FNBP1L: variants seen among roughly 807,000 people sequenced by gnomAD.
FNBP1L encodes the protein formin-binding protein 1-like.
In FNBP1L, 36 loss-of-function variants were observed where a neutral mutation model predicts 91.2. The observed-to-expected ratio is 0.39, with a 90% CI of 0.30 to 0.52. The LOEUF (loss-of-function observed/expected upper bound fraction) is 0.52. FNBP1L is among the 20% of genes least tolerant of loss of function. FNBP1L has a pLI of 0.66. For missense variants in FNBP1L, 571 were observed against 732.1 expected, an observed-to-expected ratio of 0.78 and a Z score of 2.54; for synonymous variants, 242 against 237.0, an observed-to-expected ratio of 1.02 and a Z score of -0.19.
At chr1:93,494,155 A>G (rs1204695314) in intron 1 of FNBP1L, among the ~76,000 whole-genome samples, 1 of 152,156 alleles carries the variant, frequency 6.6e-6, no homozygotes, top group Non-Finnish European at 1.5e-5. Context: ...CAGTTTGATA[A>G]TTTGCTGTAA....
intron 7 of FNBP1L, among the ~76,000 whole-genome samples, chr1:93,532,403 G>A (rs1389436246): frequency 6.8e-6 from 1 of 146,184 alleles, no homozygotes; most frequent in Non-Finnish European, 1.5e-5. Flanking sequence ...GGAGGTGGAG[G>A]TTGCAGTGAG....
At chr1:93,538,477 A>G (rs568592226) in intron 10 of FNBP1L, among the ~76,000 whole-genome samples, 3 of 152,234 alleles carry the variant, frequency 2.0e-5, no homozygotes, top group Admixed American at 2.0e-4. Flanking sequence ...TGTGAAAGAG[A>G]AAATATGACA....
intron 2 of FNBP1L, among the ~76,000 whole-genome samples, chr1:93,507,091 ACACACACACACACACACTCTCTCT>A (rs1557797937): frequency 2.8e-4 from 37 of 129,900 alleles, no homozygotes; most frequent in African/African-American, 9.6e-4. Flanking sequence ...ACACACACAC[ACACACACACACACACACTCTCTCT>A]CTCTCTCTCT....
chr1:93,522,810 TCA>T (rs1471434348), intron 3 of FNBP1L, among the ~76,000 whole-genome samples: 2 of 152,182 alleles, frequency 1.3e-5, no homozygotes, highest in East Asian at 3.8e-4. Context: ...TCTCCTTCCC[TCA>T]CACACGTTTT....
intron 7 of FNBP1L, among the ~76,000 whole-genome samples, chr1:93,531,722 A>G (rs1671683142): frequency 6.6e-6 from 1 of 152,180 alleles, no homozygotes; most frequent in Non-Finnish European, 1.5e-5. Flanking sequence ...TTAAGTCTTC[A>G]TATTCTGGGG....
intron 1 of FNBP1L, among the ~76,000 whole-genome samples, chr1:93,469,242 C>A (rs1260148929): frequency 1.3e-5 from 2 of 150,970 alleles, no homozygotes; most frequent in African/African-American, 4.9e-5. Context: ...CCTAACCCCC[C>A]ACCCCCCAAC....
intron 5 of FNBP1L, among the ~76,000 whole-genome samples, chr1:93,528,488 T>C (rs1460252606): frequency 6.6e-6 from 1 of 152,208 alleles, no homozygotes; most frequent in Non-Finnish European, 1.5e-5. Context: ...TTAAAAATGA[T>C]GGTAAATGCA....
chr1:93,544,164 C>T lies in FNBP1L; in HGVS notation c.1222C>T (p.Gln408Ter). 6.2e-7 allele frequency: 1 copy of T among 1,612,350 alleles called. No individual in the cohort carries two copies. Among genetic ancestry groups the T allele is most frequent in the Non-Finnish European group, 8.5e-7 (1 of 1,178,926 alleles). Reference protein sequence around the residue: ...LPPEQRRKKLQQRIDELNREL... With the variant: ...LPPEQRRKKL The stretch of plus-strand genomic sequence containing the variant: ...ACCAGAACAGAGACGTAAAAAACTA[C>T]AGCAGCGCATTGATGAACTTAACAG... Residue 408 changes from glutamine (Q) to a stop codon, truncating the protein, a stop_gained, in exon 12 of 17, where the codon CAG becomes TAG. Coordinates refer to ENST00000271234, the MANE Select transcript of FNBP1L (RefSeq NM_001164473.3). LOFTEE classifies it high-confidence loss of function.
intron 7 of FNBP1L, among the ~76,000 whole-genome samples, chr1:93,531,140 G>A (rs1557813196): frequency 6.6e-6 from 1 of 152,186 alleles, no homozygotes; most frequent in Non-Finnish European, 1.5e-5. Context: ...AATACTTTAA[G>A]TATTTTGACA....
At chr1:93,478,546 A>G (rs551601930) in intron 1 of FNBP1L, among the ~76,000 whole-genome samples, 1 of 152,330 alleles carries the variant, frequency 6.6e-6, no homozygotes, top group Admixed American at 6.5e-5. Context: ...ACAGCAGCAC[A>G]GTGGCATCAG....
rs565713058 is a variant in FNBP1L, at chr1:93,512,646, A to G, written c.141-9436A>G. ...CTCAAAACCGCTCAACTACATGGAA[A>G]CTGAACAACCTGCTCCTGAATGACT... On this transcript the variant is annotated intron_variant, in intron 2 of 16. Coordinates refer to ENST00000271234, the MANE Select transcript of FNBP1L (RefSeq NM_001164473.3). Among the ~76,000 whole-genome samples the G allele has an allele frequency of 1.6e-4, 24 of 149,448 alleles. No individual in the cohort carries two copies. The East Asian group carries it at 3.9e-3, about 25-fold the overall frequency.
chr1:93,536,257 C>G, intron 9 of FNBP1L, 75 bp from the exon 10 acceptor site: 1 of 1,141,484 alleles, frequency 8.8e-7, no homozygotes, highest in Non-Finnish European at 1.1e-6. Flanking sequence ...AGTATGTTGC[C>G]AAAAATAGAA....
chr1:93,459,965 G>GTGTGTGTA (rs1337209806), intron 1 of FNBP1L, among the ~76,000 whole-genome samples: 1 of 149,714 alleles, frequency 6.7e-6, no homozygotes, highest in Non-Finnish European at 1.5e-5. Context: ...GTGTGTGTGT[G>GTGTGTGTA]TGTGTGTGTG....
intron 2 of FNBP1L, among the ~76,000 whole-genome samples, chr1:93,507,173 C>T (rs1670667139): frequency 6.8e-6 from 1 of 147,598 alleles, no homozygotes; most frequent in Non-Finnish European, 1.5e-5. Context: ...CCTCCCTCCC[C>T]CACCCCCCCA....
chr1:93,530,459 G>A (rs951277682), intron 6 of FNBP1L, among the ~76,000 whole-genome samples: 1 of 151,884 alleles, frequency 6.6e-6, no homozygotes, highest in Non-Finnish European at 1.5e-5. Context: ...ATCTGGATTT[G>A]GTAAGGAGAG....
At chr1:93,514,134 A>G (rs1345902486) in intron 2 of FNBP1L, among the ~76,000 whole-genome samples, 2 of 152,194 alleles carry the variant, frequency 1.3e-5, no homozygotes, top group African/African-American at 4.8e-5. Flanking sequence ...CAACAGACAG[A>G]GAGCCAAATC....
At chr1:93,459,919 C>T (rs1329321869) in intron 1 of FNBP1L, among the ~76,000 whole-genome samples, 1 of 143,344 alleles carries the variant, frequency 7.0e-6, no homozygotes, top group East Asian at 2.1e-4. Context: ...TTGGAGAAGA[C>T]CAGAAGTGTT....
rs1557774013 is a variant in FNBP1L at position 93,459,979 on chromosome 1, T to TGTG, written c.24+11674_24+11675insGTG. Among the ~76,000 whole-genome samples the TGTG allele has an allele frequency of 3.0e-3, 140 of 47,220 alleles. 1 individual carries two copies. In the East Asian group the frequency reaches 0.031, roughly 11 times the overall value. 31.0% of individuals were successfully genotyped at this position (47,220 alleles called of 152,430 possible). On this transcript the variant is annotated intron_variant, in intron 1 of 16. Transcript: ENST00000271234. Reference sequence around the variant, plus strand: ...TGTGTGTGTGTGTGTGTGTGTGTGTTTTTGGGATATTGAAATATTGGCATT... The same window carrying TGTG: ...TGTGTGTGTGTGTGTGTGTGTGTGTTGTGTTTGGGATATTGAAATATTGGCATT...
chr1:93,498,265 TG>T (rs1335824771), intron 1 of FNBP1L, among the ~76,000 whole-genome samples: 7 of 152,292 alleles, frequency 4.6e-5, no homozygotes, highest in Middle Eastern at 3.4e-3. Context: ...GAAGTGTTGT[TG>T]TTTTTTTTGT....
Sources: gnomAD v4.1 joint callset for allele counts (sites outside exome capture counted in the v4.1 genomes callset) on GRCh38, gnomAD v4.1.1 for gene constraint, MANE v1.5 for transcripts, NCBI Gene and HGNC (gene_info 2026-07-23, HGNC 2026-07-21) for gene names.